FOXP1: variants seen among roughly 807,000 people sequenced by gnomAD.
FOXP1 encodes forkhead box P1, also known as forkhead box protein P1.
In FOXP1, 15 loss-of-function variants were observed where a neutral mutation model predicts 98.2. The ratio of observed to expected loss-of-function variants is 0.15; its 90% CI spans 0.10 to 0.24. The LOEUF is 0.24. Ranked by LOEUF, FOXP1 falls within the 10% of genes least tolerant of loss-of-function variation. The pLI is 1.00. For missense variants in FOXP1, 633 were observed against 848.5 expected, an observed-to-expected ratio of 0.75 and a Z score of 3.15; for synonymous variants, 371 against 314.5, an observed-to-expected ratio of 1.18 and a Z score of -1.90.
chr3:71,472,067 G>A (rs1194416698), intron 3 of FOXP1, among the ~76,000 whole-genome samples: 2 of 152,186 alleles, frequency 1.3e-5, no homozygotes, highest in Admixed American at 6.5e-5. Context: ...GTCGATGCTA[G>A]AAGGTACGTT....
intron 5 of FOXP1, among the ~76,000 whole-genome samples, chr3:71,278,233 G>A (rs1446984455): frequency 1.3e-5 from 2 of 152,168 alleles, no homozygotes; most frequent in African/African-American, 4.8e-5. Context: ...ATTAGCTACT[G>A]TCATCAATAG....
At chr3:71,358,075 T>C (rs1300423376) in intron 4 of FOXP1, among the ~76,000 whole-genome samples, 1 of 152,214 alleles carries the variant, frequency 6.6e-6, no homozygotes, top group East Asian at 1.9e-4. Flanking sequence ...GCATATTTGC[T>C]GAGCCTGTCT....
chr3:71,150,426 C>T (rs2060511085), intron 6 of FOXP1, among the ~76,000 whole-genome samples: 1 of 152,084 alleles, frequency 6.6e-6, no homozygotes, highest in Non-Finnish European at 1.5e-5. Flanking sequence ...TGTCTATCCG[C>T]CACTTCTCTT....
At chr3:70,977,086 G>C (rs745593276) in intron 16 of FOXP1, 44 bp from the exon 17 acceptor site, 2 of 1,268,772 alleles carry the variant, frequency 1.6e-6, no homozygotes, top group Non-Finnish European at 2.3e-6. Context: ...GACCAAATCA[G>C]CAGAGTCGTC....
At chr3:71,494,025 AATC>A (rs1359354382) in intron 2 of FOXP1, among the ~76,000 whole-genome samples, 1 of 152,234 alleles carries the variant, frequency 6.6e-6, no homozygotes, top group Non-Finnish European at 1.5e-5. Flanking sequence ...TAGGAAAGGT[AATC>A]ATCATTTTTT....
At chr3:71,207,469 T>C (rs1339269410) in intron 5 of FOXP1, among the ~76,000 whole-genome samples, 1 of 152,158 alleles carries the variant, frequency 6.6e-6, no homozygotes, top group Admixed American at 6.5e-5. Flanking sequence ...CATTTCTCCG[T>C]TGTGCAAAAG....
In FOXP1 at chr3:71,488,827, C is replaced by T. The variant is rs192274309; in HGVS notation, c.-168+4599G>A. Among the ~76,000 whole-genome samples the T allele has an allele frequency of 3.2e-3, 491 of 152,334 alleles. 3 individuals are homozygous for T. The highest frequency in any genetic ancestry group is 0.011 in the African/African-American group (477 of 41,568). ...CTCTCTTTATGGTGTGAGTGAAGATCTGTATTTTTACCAATATTAGGTTCA... is the reference window on the plus strand; with the variant it reads ...CTCTCTTTATGGTGTGAGTGAAGATTTGTATTTTTACCAATATTAGGTTCA... On this transcript the variant is annotated intron_variant, in intron 3 of 20. Coordinates refer to ENST00000649528, the MANE Select transcript of FOXP1 (RefSeq NM_001349338.3).
chr3:71,215,726 AC>A (rs1466041157), intron 5 of FOXP1, among the ~76,000 whole-genome samples: 1 of 152,202 alleles, frequency 6.6e-6, no homozygotes, highest in Non-Finnish European at 1.5e-5. Context: ...AATAAAGTCA[AC>A]ATTTCTTCTA....
At chr3:71,535,380 A>C (rs2044205364) in intron 2 of FOXP1, among the ~76,000 whole-genome samples, 2 of 152,140 alleles carry the variant, frequency 1.3e-5, no homozygotes. Flanking sequence ...GTCTGCTGAG[A>C]GCCAGTGGCA....
At position 71,289,535 on chromosome 3, in the gene FOXP1, A is replaced by C. The variant is rs553432614; in HGVS notation, c.-12+10285T>G. 4.0e-5 allele frequency: 6 copies of C among 151,316 alleles called. No homozygotes were observed. The East Asian group carries it at 1.2e-3, about 30-fold the overall frequency. 9.4% of individuals were successfully genotyped at this position (151,316 alleles called of 1,614,324 possible). On this transcript the variant is annotated intron_variant, in intron 5 of 20. Transcript: ENST00000649528. ...TGCTCAGCTTTGTTTCCTACTTTAAACACTTACCTTGATGACTTTCTGGTT... is the reference window on the plus strand; with the variant it reads ...TGCTCAGCTTTGTTTCCTACTTTAACCACTTACCTTGATGACTTTCTGGTT...
chr3:70,967,982 T>C (rs577393571), intron 19 of FOXP1, among the ~76,000 whole-genome samples: 292 of 152,316 alleles, frequency 1.9e-3, no homozygotes, highest in African/African-American at 6.7e-3. Flanking sequence ...AACGTGTTCA[T>C]TGGGATGAGT....
At chr3:71,309,436 T>C (rs1272496907) in intron 4 of FOXP1, among the ~76,000 whole-genome samples, 1 of 151,860 alleles carries the variant, frequency 6.6e-6, no homozygotes, top group Non-Finnish European at 1.5e-5. Flanking sequence ...CAAAGTACTC[T>C]GACAAAAGTA....
intron 6 of FOXP1, among the ~76,000 whole-genome samples, chr3:71,115,657 T>A (rs1253567757): frequency 6.6e-6 from 1 of 151,616 alleles, no homozygotes; most frequent in East Asian, 1.9e-4. Flanking sequence ...AATAGTCAAG[T>A]CTCAGAGCAG....
intron 4 of FOXP1, among the ~76,000 whole-genome samples, chr3:71,317,003 T>C (rs1197730032): frequency 6.6e-6 from 1 of 152,062 alleles, no homozygotes; most frequent in East Asian, 1.9e-4. Flanking sequence ...TGGAAAGAAA[T>C]ATACCATTGT....
At chr3:71,091,132 T>TGTGC (rs2055787367) in intron 7 of FOXP1, among the ~76,000 whole-genome samples, 1 of 151,184 alleles carries the variant, frequency 6.6e-6, no homozygotes, top group African/African-American at 2.4e-5. Context: ...TGTGTGTGTG[T>TGTGC]ATTCTTAAAT....
At chr3:71,552,210 G>C (rs1309181921) in intron 2 of FOXP1, among the ~76,000 whole-genome samples, 2 of 152,076 alleles carry the variant, frequency 1.3e-5, no homozygotes, top group Non-Finnish European at 2.9e-5. Flanking sequence ...TATGGGAAAA[G>C]GTGCTGATAT....
chr3:70,979,778 TA>T (rs34746282), intron 14 of FOXP1, among the ~76,000 whole-genome samples: 56,263 of 138,038 alleles, frequency 0.41, 13,836 homozygotes, highest in Non-Finnish European at 0.56. Context: ...ACACTCTAGT[TA>T]AAAAAAAAAA....
chr3:71,543,043 T>G (rs2107622034), intron 2 of FOXP1, among the ~76,000 whole-genome samples: 1 of 152,306 alleles, frequency 6.6e-6, no homozygotes, highest in East Asian at 1.9e-4. Flanking sequence ...TTAACAGATT[T>G]ACATATGCAA....
At chr3:71,112,731 G>A (rs2058044770) in intron 6 of FOXP1, 94 bp from the exon 7 acceptor site, 4 of 873,990 alleles carry the variant, frequency 4.6e-6, no homozygotes, top group Admixed American at 1.8e-5. Context: ...TTTGGGACTG[G>A]GTCCTGACTT....
Sources: gnomAD v4.1 joint callset for allele counts (sites outside exome capture counted in the v4.1 genomes callset) on GRCh38, gnomAD v4.1.1 for gene constraint, MANE v1.5 for transcripts, NCBI Gene and HGNC (gene_info 2026-07-23, HGNC 2026-07-21) for gene names.